The following MAPK8 variants were observed in gnomAD, a reference collection of about 807,000 sequenced individuals.
MAPK8 encodes the protein mitogen-activated protein kinase 8.
In MAPK8, 13 loss-of-function variants were observed where a neutral mutation model predicts 52.9. The ratio of observed to expected loss-of-function variants is 0.25; its 90% confidence interval spans 0.16 to 0.39. The LOEUF (loss-of-function observed/expected upper bound fraction) is 0.39. MAPK8 is among the 10% of genes least tolerant of loss of function. The probability of loss-of-function intolerance (pLI) is 1.00; values close to 1 mark genes in which losing one functional copy is unlikely to be tolerated. For synonymous variants in MAPK8, 191 were observed against 169.8 expected (o/e 1.12, Z -0.97); for missense variants, 300 against 519.2 (o/e 0.58, Z 4.10).
At chr10:48,307,629 C>T (rs1841523137) in intron 1 of MAPK8, among the ~76,000 whole-genome samples, 3 of 152,160 alleles carry the variant, frequency 2.0e-5, no homozygotes, top group South Asian at 2.1e-4. Flanking sequence ...CTGAAAGTTC[C>T]CTGCTTGGTC....
At chr10:48,323,437 A>G (rs1055485388) in intron 1 of MAPK8, among the ~76,000 whole-genome samples, 1 of 152,200 alleles carries the variant, frequency 6.6e-6, no homozygotes, top group African/African-American at 2.4e-5. Flanking sequence ...TTGGGGCTGG[A>G]CTTATGGTTG....
At chr10:48,408,874 A>G (rs1239368539) in intron 3 of MAPK8, among the ~76,000 whole-genome samples, 1 of 152,144 alleles carries the variant, frequency 6.6e-6, no homozygotes, top group African/African-American at 2.4e-5. Flanking sequence ...GGAGGTGGCC[A>G]ACTTTTCACC....
At chr10:48,354,400 C>T (rs1407798648) in intron 1 of MAPK8, among the ~76,000 whole-genome samples, 4 of 152,180 alleles carry the variant, frequency 2.6e-5, no homozygotes, top group African/African-American at 9.7e-5. Flanking sequence ...TACGTTCTTC[C>T]TCTTCACCTT....
intron 1 of MAPK8, among the ~76,000 whole-genome samples, chr10:48,307,826 A>C (rs1841556468): frequency 6.6e-6 from 1 of 152,142 alleles, no homozygotes; most frequent in South Asian, 2.1e-4. Context: ...TCATTCATTC[A>C]GCAGCTGTTT....
intron 3 of MAPK8, among the ~76,000 whole-genome samples, chr10:48,408,346 G>C (rs1050275672): frequency 1.3e-5 from 2 of 152,160 alleles, no homozygotes; most frequent in Non-Finnish European, 2.9e-5. Context: ...AAAGTAGAGA[G>C]AATAGTCAAC....
Position 48,334,980 on chromosome 10 carries a change from A to T in MAPK8, c.-50+28159A>T, listed in dbSNP as rs1189773747. Among the ~76,000 whole-genome samples, 7 of 152,264 alleles carry T rather than the reference A, an allele frequency of 4.6e-5. No individual in the cohort carries two copies. The South Asian group carries it at 1.5e-3, about 32-fold the overall frequency. On this transcript the variant is annotated intron_variant, in intron 1 of 11. Coordinates refer to ENST00000374189, the MANE Select transcript of MAPK8 (RefSeq NM_001323329.2). ...TATCCCCCTTATAAGGTTATACCCC[A>T]GTCCCCTTCCTCACTTAAGTTTCGA...
chr10:48,387,561 A>G (rs1485225869), intron 1 of MAPK8, among the ~76,000 whole-genome samples: 2 of 152,166 alleles, frequency 1.3e-5, no homozygotes, highest in Non-Finnish European at 2.9e-5. Context: ...TAAACTGCTT[A>G]TGGTAGTGAC....
intron 1 of MAPK8, among the ~76,000 whole-genome samples, chr10:48,349,955 A>G (rs974911158): frequency 6.6e-6 from 1 of 152,228 alleles, no homozygotes; most frequent in Non-Finnish European, 1.5e-5. Flanking sequence ...ATCCCACAGA[A>G]ATACAAACTA....
intron 1 of MAPK8, among the ~76,000 whole-genome samples, chr10:48,398,087 G>C (rs1284923592): frequency 2.0e-5 from 3 of 152,272 alleles, no homozygotes; most frequent in East Asian, 1.9e-4. Flanking sequence ...AGATGTTGTT[G>C]CTGGGTGAAA....
At chr10:48,333,511 C>G (rs755864136) in intron 1 of MAPK8, among the ~76,000 whole-genome samples, 16 of 152,236 alleles carry the variant, frequency 1.1e-4, no homozygotes, top group Non-Finnish European at 2.2e-4. Flanking sequence ...ATGCCCTAGT[C>G]TACTGTTAGA....
Position 48,348,717 on chromosome 10 carries a change from G to T in MAPK8, c.-50+41896G>T, listed in dbSNP as rs191563501. ...GTTGTAGATGTGTGGTGTTATTTCTGAGGCCTCTGTTCTGTTCCATTGGTC... is the reference window on the plus strand; with the variant it reads ...GTTGTAGATGTGTGGTGTTATTTCTTAGGCCTCTGTTCTGTTCCATTGGTC... On this transcript the variant is annotated intron_variant, in intron 1 of 11. Coordinates refer to ENST00000374189, the MANE Select transcript of MAPK8 (RefSeq NM_001323329.2). Among the ~76,000 whole-genome samples, 3 of 152,244 alleles carry T rather than the reference G, an allele frequency of 2.0e-5. No homozygotes were observed. In the East Asian group the frequency reaches 5.8e-4, roughly 29 times the overall value.
At chr10:48,359,490 G>A (rs7902652) in intron 1 of MAPK8, among the ~76,000 whole-genome samples, 2 of 152,122 alleles carry the variant, frequency 1.3e-5, no homozygotes, top group African/African-American at 4.8e-5. Flanking sequence ...TTTCTTGACA[G>A]TTTGGGGGGC....
intron 1 of MAPK8, among the ~76,000 whole-genome samples, chr10:48,371,821 C>G (rs933287170): frequency 6.6e-6 from 1 of 152,142 alleles, no homozygotes; most frequent in South Asian, 2.1e-4. Flanking sequence ...TTCCCATGAT[C>G]CGCTCCTTGG....
chr10:48,434,992 T>G lies in MAPK8; in HGVS notation c.1247T>G (p.Leu416Arg), dbSNP rs1489044523. The G allele has an allele frequency of 6.3e-7, 1 of 1,598,376 alleles. No homozygotes were observed. The highest frequency in any genetic ancestry group is 8.5e-7 in the Non-Finnish European group (1 of 1,176,114). The change falls in exon 12 of 12, where the codon CTA (leucine) becomes CGA (arginine). Residue 416 changes from leucine (L) to arginine (R), a missense_variant. Transcript: ENST00000374189. The part of the protein sequence containing the change: ...PTLASDTDSS[L>R]EAAAGPLGCC... ...TTGGCCTCTGATACAGACAGCAGTC[T>G]AGAAGCAGCAGCTGGGCCTCTGGGC...
chr10:48,355,039 C>T (rs899812511), intron 1 of MAPK8, among the ~76,000 whole-genome samples: 1 of 152,114 alleles, frequency 6.6e-6, no homozygotes, highest in Non-Finnish European at 1.5e-5. Flanking sequence ...CAACAGCAGA[C>T]CTGCTGGAAA....
At chr10:48,385,232 G>A (rs1321859848) in intron 1 of MAPK8, among the ~76,000 whole-genome samples, 2 of 152,120 alleles carry the variant, frequency 1.3e-5, no homozygotes, top group Non-Finnish European at 2.9e-5. Flanking sequence ...GCCTCTCTGG[G>A]CCTGATAATT....
In MAPK8 at chr10:48,427,212, T is replaced by C. The variant is rs988538237; in HGVS notation, c.1060+69T>C. ...CTGGTTTTTATATGGTGATTTATTA[T>C]CATGTTAGAGAAATTTGTGACTTTA... On this transcript the variant is annotated intron_variant, in intron 10 of 11. Coordinates refer to ENST00000374189, the MANE Select transcript of MAPK8 (RefSeq NM_001323329.2). The C allele has an allele frequency of 8.6e-6, 10 of 1,166,566 alleles. No homozygotes were observed. The African/African-American group carries it at 1.4e-4, about 16-fold the overall frequency. 72.3% of individuals were successfully genotyped at this position (1,166,566 alleles called of 1,614,324 possible). A position where few individuals can be genotyped will look rare whatever the true frequency, so the allele number is the denominator to read the frequency against.
chr10:48,433,930 T>C (rs1043467940), intron 11 of MAPK8, among the ~76,000 whole-genome samples: 9 of 152,236 alleles, frequency 5.9e-5, no homozygotes, highest in Non-Finnish European at 1.0e-4. Context: ...TGAGAACTTT[T>C]AAGTAACTTG....
At chr10:48,414,339 G>T (rs2042943540) in intron 5 of MAPK8, among the ~76,000 whole-genome samples, 1 of 151,862 alleles carries the variant, frequency 6.6e-6, no homozygotes, top group Non-Finnish European at 1.5e-5. Context: ...TGTTACCACT[G>T]ACTATTACAG....
Sources: allele counts gnomAD v4.1 joint callset (sites outside exome capture counted in the v4.1 genomes callset), GRCh38; gene constraint gnomAD v4.1.1; transcripts MANE v1.5; gene names NCBI Gene and HGNC (gene_info 2026-07-23, HGNC 2026-07-21).